The following CDH12 variants were observed in gnomAD, a reference collection of about 807,000 sequenced individuals.
CDH12 encodes the protein cadherin 12.
CDH12 carries 41 observed loss-of-function variants against 74.1 expected under a neutral mutation model. That is an observed-to-expected ratio of 0.55 (90% CI 0.43 to 0.72). The LOEUF (loss-of-function observed/expected upper bound fraction) is 0.72, where lower values mean the gene tolerates loss of function less well. Among genes scored for constraint, CDH12 ranks in the 30% least tolerant of loss-of-function variants. CDH12 has a pLI of 0.00. For synonymous variants in CDH12, 399 were observed against 355.0 expected, an observed-to-expected ratio of 1.12 and a Z score of -1.39; for missense variants, 945 against 977.2, an observed-to-expected ratio of 0.97 and a Z score of 0.44.
chr5:21,967,193 T>C (rs1756624481), intron 6 of CDH12, among the ~76,000 whole-genome samples: 1 of 152,146 alleles, frequency 6.6e-6, no homozygotes. Flanking sequence ...TTCAGCAAGC[T>C]CCTGTGGCCA....
intron 2 of CDH12, among the ~76,000 whole-genome samples, chr5:22,489,455 C>G (rs1220839861): frequency 1.3e-5 from 2 of 151,904 alleles, no homozygotes. Context: ...GAGTTATCAA[C>G]TTTTTATTTT....
intron 5 of CDH12, among the ~76,000 whole-genome samples, chr5:22,059,333 T>TGTC (rs1741008574): frequency 6.9e-6 from 1 of 145,016 alleles, no homozygotes; most frequent in African/African-American, 2.5e-5. Context: ...ATCGTCTATC[T>TGTC]ATCATCTATC....
chr5:22,105,861 G>GACTC (rs1408818329), intron 4 of CDH12, among the ~76,000 whole-genome samples: 2 of 152,058 alleles, frequency 1.3e-5, no homozygotes, highest in African/African-American at 4.8e-5. Flanking sequence ...AGTATAAAGA[G>GACTC]ACTCAGCATG....
chr5:22,731,177 A>G (rs1227816257), intron 1 of CDH12, among the ~76,000 whole-genome samples: 1 of 151,786 alleles, frequency 6.6e-6, no homozygotes, highest in African/African-American at 2.4e-5. Context: ...ATAAGACCCA[A>G]TTATTATTCA....
At chr5:22,238,098 C>T (rs1752622590) in intron 3 of CDH12, among the ~76,000 whole-genome samples, 2 of 152,278 alleles carry the variant, frequency 1.3e-5, no homozygotes, top group South Asian at 4.1e-4. Context: ...GTTCTGAATG[C>T]CAACTCCTGA....
chr5:22,364,437 T>C (rs964992251), intron 3 of CDH12, among the ~76,000 whole-genome samples: 2 of 152,190 alleles, frequency 1.3e-5, no homozygotes, highest in Non-Finnish European at 2.9e-5. Context: ...ATTAACTTAC[T>C]TAGTTTATGA....
intron 1 of CDH12, among the ~76,000 whole-genome samples, chr5:22,568,338 G>A (rs1043093537): frequency 1.3e-5 from 2 of 152,146 alleles, no homozygotes; most frequent in Non-Finnish European, 2.9e-5. Context: ...AAATAAATGA[G>A]CATGTTGGGG....
At position 21,809,035 on chromosome 5, in the gene CDH12, T is replaced by A. The variant is rs540822136; in HGVS notation, c.1003-6615A>T. 8.5e-5 allele frequency among the ~76,000 whole-genome samples: 13 copies of A among 152,138 alleles called. No individual in the cohort carries two copies. The South Asian group carries it at 2.7e-3, about 32-fold the overall frequency. Reference sequence around the variant, plus strand: ...GTGTTTGTAAACAAAAATATTTAAATGAAGAAACATCCATTTTATATAACT... The same window carrying A: ...GTGTTTGTAAACAAAAATATTTAAAAGAAGAAACATCCATTTTATATAACT... On this transcript the variant is annotated intron_variant, in intron 9 of 14. Transcript: ENST00000382254.
chr5:22,059,367 CTATCTAT>C (rs1741020525), intron 5 of CDH12, among the ~76,000 whole-genome samples: 1 of 131,338 alleles, frequency 7.6e-6, no homozygotes, highest in Non-Finnish European at 1.5e-5. Flanking sequence ...ATCTATCTAT[CTATCTAT>C]CTATCTATCT....
At chr5:22,800,065 T>C (rs1054923836) in intron 1 of CDH12, among the ~76,000 whole-genome samples, 1 of 152,214 alleles carries the variant, frequency 6.6e-6, no homozygotes, top group Non-Finnish European at 1.5e-5. Flanking sequence ...GAAAATGGTT[T>C]AGTAGCCACT....
intron 1 of CDH12, among the ~76,000 whole-genome samples, chr5:22,707,998 C>T (rs1743104379): frequency 6.6e-6 from 1 of 152,100 alleles, no homozygotes; most frequent in Non-Finnish European, 1.5e-5. Flanking sequence ...CAAATCCATT[C>T]TTAATGAAAT....
intron 4 of CDH12, among the ~76,000 whole-genome samples, chr5:22,173,860 TAGAAAAAATAGTTGAGCCTGTAAA>T (rs1749185006): frequency 1.3e-5 from 2 of 151,830 alleles, no homozygotes; most frequent in South Asian, 4.1e-4. Context: ...AATCCTAGTC[TAGAAAAAATAGTTGAGCCTGTAAA>T]AGCTGATATG....
chr5:21,936,165 C>T (rs1755066367), intron 6 of CDH12, among the ~76,000 whole-genome samples: 1 of 152,092 alleles, frequency 6.6e-6, no homozygotes, highest in African/African-American at 2.4e-5. Flanking sequence ...GAGAAACCTC[C>T]AGACTGTTCT....
chr5:22,610,812 T>C (rs1737356292), intron 1 of CDH12, among the ~76,000 whole-genome samples: 1 of 152,224 alleles, frequency 6.6e-6, no homozygotes, highest in East Asian at 1.9e-4. Context: ...AGAAGATAAA[T>C]ATTTTGATCA....
At chr5:22,749,122 A>G (rs2127030924) in intron 1 of CDH12, among the ~76,000 whole-genome samples, 1 of 152,334 alleles carries the variant, frequency 6.6e-6, no homozygotes, top group East Asian at 1.9e-4. Context: ...GGCGTGTTGG[A>G]GCTGACAACT....
intron 3 of CDH12, among the ~76,000 whole-genome samples, chr5:22,385,914 T>C (rs1554036717): frequency 7.2e-6 from 1 of 139,746 alleles, no homozygotes; most frequent in Non-Finnish European, 1.5e-5. Flanking sequence ...TTTTTGAGAC[T>C]GAGTTTCACT....
chr5:22,781,690 T>G (rs1747391984), intron 1 of CDH12, among the ~76,000 whole-genome samples: 1 of 152,182 alleles, frequency 6.6e-6, no homozygotes, highest in Admixed American at 6.6e-5. Flanking sequence ...ACTGAATCTA[T>G]TAATTTCCCC....
intron 3 of CDH12, among the ~76,000 whole-genome samples, chr5:22,263,373 AG>A (rs1484197450): frequency 6.6e-6 from 1 of 152,154 alleles, no homozygotes; most frequent in Non-Finnish European, 1.5e-5. Context: ...AGTAGGGTAA[AG>A]GATAGAAAAG....
intron 3 of CDH12, among the ~76,000 whole-genome samples, chr5:22,361,544 A>G (rs1215314746): frequency 6.6e-6 from 1 of 152,200 alleles, no homozygotes; most frequent in East Asian, 1.9e-4. Context: ...CCATCAAGCT[A>G]CCAATGACTT....
Sources: gnomAD v4.1 joint callset for allele counts (sites outside exome capture counted in the v4.1 genomes callset) on GRCh38, gnomAD v4.1.1 for gene constraint, MANE v1.5 for transcripts, NCBI Gene and HGNC (gene_info 2026-07-23, HGNC 2026-07-21) for gene names.